Variants in LOXL4 observed in about 807,000 individuals in gnomAD.
LOXL4 encodes the protein lysyl oxidase like 4.
Under a neutral mutation model 89.1 loss-of-function variants are expected in LOXL4, and 72 were observed. That is an observed-to-expected ratio of 0.81 (90% CI 0.67 to 0.98). LOXL4 has a LOEUF of 0.98. Ranked by LOEUF, LOXL4 falls within the 50% of genes least tolerant of loss-of-function variation. The pLI is 0.00. For missense variants in LOXL4, 984 were observed against 1,017.5 expected (o/e 0.97, Z 0.45); for synonymous variants, 355 against 392.1 (o/e 0.91, Z 1.12).
chr10:98,263,165 T>TGC, intron 1 of LOXL4, 114 bp from the exon 2 acceptor site: 1 of 727,370 alleles, frequency 1.4e-6, no homozygotes, highest in Non-Finnish European at 2.3e-6. Flanking sequence ...CTCAAATGTG[T>TGC]GTGTGTGTGC....
intron 6 of LOXL4, among the ~76,000 whole-genome samples, chr10:98,258,737 C>T (rs563909889): frequency 6.6e-6 from 1 of 152,184 alleles, no homozygotes; most frequent in Non-Finnish European, 1.5e-5. Flanking sequence ...AGGATCAGTA[C>T]CAGCCCTCAG....
In LOXL4 at chr10:98,262,108, A is replaced by G. The variant is rs755969616; in HGVS notation, c.383T>C (p.Val128Ala). The G allele has an allele frequency of 1.1e-5, 17 of 1,613,218 alleles. No homozygotes were observed. The South Asian group carries it at 1.6e-4, about 16-fold the overall frequency. Residue 128 changes from valine to alanine, a missense_variant, in exon 3 of 15, where the codon GTA (valine) becomes GCA (alanine). Physicochemically the swap from Val to Ala is moderately conservative, Grantham distance 64. Transcript: ENST00000260702. ...GVSDCSHSEDVGVICHPRRHR... is the reference protein window; with the variant it reads ...GVSDCSHSEDAGVICHPRRHR... ...GCGCCGGGGGTGGCATATCACCCCT[A>G]CGTCTTCTGAGTGACTGCAGTCACT... is the stretch of plus-strand genomic sequence containing the variant.
intron 9 of LOXL4, 154 bp downstream of exon 9, chr10:98,256,626 A>C: frequency 1.3e-6 from 1 of 787,654 alleles, no homozygotes; most frequent in South Asian, 1.7e-5. Context: ...TGTTTACCAC[A>C]CTGTTCCCAG....
chr10:98,263,451 C>T (rs11591416), intron 1 of LOXL4, among the ~76,000 whole-genome samples: 47,104 of 151,698 alleles, frequency 0.31, 7,457 homozygotes, highest in Non-Finnish European at 0.35. Context: ...TATGTGTAGG[C>T]AGACGAGGTG....
At chr10:98,255,993 C>T (rs1231533184) in intron 9 of LOXL4, 8 of 416,746 alleles carry the variant, frequency 1.9e-5, no homozygotes, top group African/African-American at 4.0e-5. Flanking sequence ...CCCTACACCC[C>T]TCTCTCTTCC....
rs973722624 is a variant in LOXL4 at position 98,262,675 on chromosome 10, A to G, written c.277+68T>C. On this transcript the variant is annotated intron_variant, in intron 2 of 14. Coordinates refer to ENST00000260702, the MANE Select transcript of LOXL4 (RefSeq NM_032211.7). Reference sequence around the variant, plus strand: ...GGGTATTAAAGGATGGGTGGGTGTCAGTGAGCCCAGCCCAAGAAGACTGTT... The same window carrying G: ...GGGTATTAAAGGATGGGTGGGTGTCGGTGAGCCCAGCCCAAGAAGACTGTT... 5 of 1,553,826 alleles carry G rather than the reference A, an allele frequency of 3.2e-6. No individual in the cohort carries two copies. The African/African-American group carries it at 6.8e-5, about 21-fold the overall frequency.
rs139735732 is a variant in LOXL4 at position 98,262,154 on chromosome 10, C to T, written c.337G>A (p.Gly113Arg). The T allele has an allele frequency of 4.1e-4, 668 of 1,613,764 alleles. 4 individuals carry two copies. The highest frequency in any genetic ancestry group is 3.8e-3 in the South Asian group (347 of 91,084). Residue 113 changes from glycine to arginine, a missense_variant, in exon 3 of 15, where the codon GGG becomes AGG. Gly to Arg is a moderately radical substitution (Grantham distance 125). Coordinates refer to ENST00000260702, the MANE Select transcript of LOXL4 (RefSeq NM_032211.7). ...TCACTGACTCCCCAGCCATTAGACCCGCACTGGTCCAAGGAGCTCTCTGTG... is the reference window on the plus strand; with the variant it reads ...TCACTGACTCCCCAGCCATTAGACCTGCACTGGTCCAAGGAGCTCTCTGTG... ...VGTESSLDQCGSNGWGVSDCS... is the reference protein window; with the variant it reads ...VGTESSLDQCRSNGWGVSDCS...
intron 6 of LOXL4, 105 bp from the exon 7 acceptor site, chr10:98,258,269 G>A: frequency 8.3e-7 from 1 of 1,204,508 alleles, no homozygotes. Flanking sequence ...TTCCATGGCG[G>A]TGGCCAGAGC....
intron 10 of LOXL4, 101 bp from the exon 11 acceptor site, chr10:98,253,897 G>T: frequency 6.9e-7 from 1 of 1,456,652 alleles, no homozygotes. Context: ...TAAACCCTCC[G>T]AGAGGACCCC....
At chr10:98,255,104 C>T (rs1389051879) in intron 10 of LOXL4, among the ~76,000 whole-genome samples, 1 of 152,204 alleles carries the variant, frequency 6.6e-6, no homozygotes, top group Non-Finnish European at 1.5e-5. Context: ...TTGGGTAAAT[C>T]CCACAGCTCA....
chr10:98,256,855 A>C lies in LOXL4; in HGVS notation c.1353T>G (p.Ser451Arg). The change falls in exon 9 of 15, where the codon AGT becomes AGG. Residue 451 changes from serine to arginine, a missense_variant. Physicochemically the swap from Ser to Arg is moderately radical, Grantham distance 110. Transcript: ENST00000260702. ...NGVPRWGSVC[S>R]ENWGLTEAMV... Reference sequence around the variant, plus strand: ...TGGCTTCGGTGAGCCCCCAGTTTTCACTGCACACGCTCCCCCAGCGTGGGA... The same window carrying C: ...TGGCTTCGGTGAGCCCCCAGTTTTCCCTGCACACGCTCCCCCAGCGTGGGA... 1 of 1,614,114 alleles carries C rather than the reference A, an allele frequency of 6.2e-7. No individual in the cohort carries two copies. Among genetic ancestry groups the C allele is most frequent in the Non-Finnish European group, 8.5e-7 (1 of 1,179,990 alleles).
chr10:98,256,433 G>A (rs898424932), intron 9 of LOXL4: 18 of 323,310 alleles, frequency 5.6e-5, no homozygotes, highest in African/African-American at 1.5e-4. Flanking sequence ...CAGCACTCTC[G>A]AGAGAGAGCC....
intron 11 of LOXL4, 98 bp from the exon 12 acceptor site, chr10:98,252,566 C>T (rs375909179): frequency 1.6e-5 from 13 of 798,540 alleles, no homozygotes; most frequent in South Asian, 3.2e-5. Context: ...CATCATGACC[C>T]GAGAGGAAAG....
In LOXL4 at chr10:98,261,019, G is replaced by C. The variant is rs763351050; in HGVS notation, c.565C>G (p.Gln189Glu). 1 of 1,614,060 alleles carries C rather than the reference G, an allele frequency of 6.2e-7. No homozygotes were observed. The highest frequency in any genetic ancestry group is 8.5e-7 in the Non-Finnish European group (1 of 1,180,038). The change falls in exon 4 of 15, where the codon CAG becomes GAG. Residue 189 changes from glutamine to glutamate, a missense_variant. Coordinates refer to ENST00000260702, the MANE Select transcript of LOXL4 (RefSeq NM_032211.7). ...VEVKYEGHWR[Q>E]VCDQGWTMNN... ...ATGGTCCAGCCCTGGTCACACACCT[G>C]CCGCCAGTGGCCCTCATACTTCACC... is the stretch of plus-strand genomic sequence containing the variant.
chr10:98,257,615 C>T (rs1329032370), intron 8 of LOXL4, 35 bp downstream of exon 8: 1 of 1,599,954 alleles, frequency 6.3e-7, no homozygotes, highest in Non-Finnish European at 8.5e-7. Context: ...GTTTCCCGGC[C>T]CCCAGCCTGA....
chr10:98,252,312 CA>C, intron 12 of LOXL4, 40 bp downstream of exon 12: 2 of 1,454,628 alleles, frequency 1.4e-6, no homozygotes, highest in Non-Finnish European at 1.9e-6. Flanking sequence ...AAGAACATAA[CA>C]AAAGGAGATG....
At position 98,268,151 on chromosome 10, in the gene LOXL4, C is replaced by T; in HGVS notation, c.-52G>A. 1 of 152,092 alleles carries T rather than the reference C, an allele frequency of 6.6e-6. No individual in the cohort carries two copies. Among genetic ancestry groups the T allele is most frequent in the East Asian group, 1.9e-4 (1 of 5,154 alleles). 9.4% of individuals were successfully genotyped at this position (152,092 alleles called of 1,614,324 possible). Reference sequence around the variant, plus strand: ...GCTCACCAGATGGAGCGCGGACAGTCCGGGGCTGGGCGGGCGCCGCGGCGG... The same window carrying T: ...GCTCACCAGATGGAGCGCGGACAGTTCGGGGCTGGGCGGGCGCCGCGGCGG... On this transcript the variant is annotated 5_prime_UTR_variant, in exon 1 of 15. Transcript: ENST00000260702.
chr10:98,265,485 C>A (rs1450162169), intron 1 of LOXL4, among the ~76,000 whole-genome samples: 1 of 129,962 alleles, frequency 7.7e-6, no homozygotes, highest in African/African-American at 2.8e-5. Flanking sequence ...CTCACTGCAA[C>A]CTCCGCCTCC....
At chr10:98,254,913 C>T (rs917639945) in intron 10 of LOXL4, among the ~76,000 whole-genome samples, 1 of 152,146 alleles carries the variant, frequency 6.6e-6, no homozygotes, top group Non-Finnish European at 1.5e-5. Flanking sequence ...ATCTTGGTGT[C>T]GAAATTTGGC....
Sources: gnomAD v4.1 joint callset for allele counts (sites outside exome capture counted in the v4.1 genomes callset) on GRCh38, gnomAD v4.1.1 for gene constraint, MANE v1.5 for transcripts, NCBI Gene and HGNC (gene_info 2026-07-23, HGNC 2026-07-21) for gene names.